Variants in AMZ1 observed in about 807,000 individuals in gnomAD.
AMZ1 encodes the protein archaelysin family metallopeptidase 1, also known as archaemetzincin-1.
Under a neutral mutation model 29.9 loss-of-function variants are expected in AMZ1, and 39 were observed. That is an observed-to-expected ratio of 1.30 (90% CI 1.01 to 1.70). AMZ1 has a LOEUF of 1.70. Among genes scored for constraint, AMZ1 ranks in the 40% most tolerant of loss-of-function variants. The probability of loss-of-function intolerance (pLI) is 0.00; values close to 1 mark genes in which losing one functional copy is unlikely to be tolerated. For missense variants in AMZ1, 1,041 were observed against 680.6 expected (o/e 1.53, Z -5.89); for synonymous variants, 458 against 304.0 (o/e 1.51, Z -5.27).
chr7:2,735,705 T>C lies in AMZ1; in HGVS notation n.550+25889T>C, dbSNP rs536998780. On this transcript the variant is annotated intron_variant and non_coding_transcript_variant, in intron 4 of 4. Transcript: ENST00000489665. ...TCATCACAGCATTTGTATCACTACT[T>C]GGAATGCAGGAAAACTTATCTGTGA... Among the ~76,000 whole-genome samples the C allele has an allele frequency of 4.6e-5, 7 of 152,256 alleles. No homozygotes were observed. The East Asian group carries it at 1.4e-3, about 29-fold the overall frequency.
At chr7:2,763,083 G>A (rs1230401868), upstream of AMZ1, 2 of 1,249,918 alleles carry the variant, frequency 1.6e-6, no homozygotes, top group Non-Finnish European at 2.0e-6. Context: ...TACCAGCCTT[G>A]AGTGAGAGAC....
intron 4 of AMZ1, among the ~76,000 whole-genome samples, chr7:2,741,721 A>G: frequency 6.6e-6 from 1 of 151,966 alleles, no homozygotes; most frequent in Non-Finnish European, 1.5e-5. Context: ...ATCCGTCATC[A>G]TTTGAGAGCA....
At chr7:2,707,743 C>G (rs73047330) in intron 3 of AMZ1, among the ~76,000 whole-genome samples, 1 of 151,716 alleles carries the variant, frequency 6.6e-6, no homozygotes, top group East Asian at 1.9e-4. Context: ...GCTAATGGTC[C>G]TTCCTCCGAG....
chr7:2,681,585 G>T (rs1786885687), intron 1 of AMZ1, among the ~76,000 whole-genome samples: 1 of 152,150 alleles, frequency 6.6e-6, no homozygotes, highest in Non-Finnish European at 1.5e-5. Context: ...CTTGTTGTTG[G>T]GGTCCAACTG....
intron 1 of AMZ1, among the ~76,000 whole-genome samples, chr7:2,682,994 G>A (rs990273277): frequency 1.3e-5 from 2 of 152,230 alleles, no homozygotes; most frequent in African/African-American, 4.8e-5. Flanking sequence ...ACCCTCGCCT[G>A]CTGGCCTTGG....
intron 1 of AMZ1, among the ~76,000 whole-genome samples, chr7:2,679,843 G>A (rs971398963): frequency 2.6e-5 from 4 of 152,224 alleles, no homozygotes; most frequent in Non-Finnish European, 5.9e-5. Flanking sequence ...TCTGGAGCCC[G>A]GGAGAGGTGG....
chr7:2,764,695 T>A (rs1791731242), exon 1 of AMZ1: 2 of 152,182 alleles, frequency 1.3e-5, no homozygotes, highest in South Asian at 4.1e-4. Context: ...TTTGCTTTAT[T>A]TCTCTGTAAA....
At chr7:2,686,687 G>A (rs995309300), upstream of AMZ1, among the ~76,000 whole-genome samples, 63 of 151,782 alleles carry the variant, frequency 4.2e-4, no homozygotes, top group African/African-American at 1.9e-4. Context: ...TTTGCACACC[G>A]GACACCTAGT....
At position 2,712,290 on chromosome 7, in the gene AMZ1, C is replaced by T. The variant is rs1176562346; in HGVS notation, c.949-40C>T. 6 of 1,515,502 alleles carry T rather than the reference C, an allele frequency of 4.0e-6. No individual in the cohort carries two copies. In the South Asian group the frequency reaches 5.3e-5, roughly 13 times the overall value. 93.9% of individuals were successfully genotyped at this position (1,515,502 alleles called of 1,614,324 possible). On this transcript the variant is annotated intron_variant, in intron 6 of 6. Coordinates refer to ENST00000683327, the MANE Select transcript of AMZ1 (RefSeq NM_001384743.1). ...TGGCAGTTCCCTGGCTAGACAAGGG[C>T]TGGCACGGAGCAAACTCAGCCTGTG...
At chr7:2,762,680 G>C (rs377455031), upstream of AMZ1, 51 of 1,589,964 alleles carry the variant, frequency 3.2e-5, no homozygotes, top group African/African-American at 6.3e-4. Flanking sequence ...CATTTGGAAA[G>C]AAACCACGCT....
chr7:2,692,546 A>C (rs573658264), intron 1 of AMZ1, among the ~76,000 whole-genome samples: 2 of 152,110 alleles, frequency 1.3e-5, no homozygotes, highest in Non-Finnish European at 2.9e-5. Context: ...CATCTCAAAA[A>C]ATAAAAAATA....
chr7:2,709,630 T>C lies in AMZ1; in HGVS notation c.772-10T>C, dbSNP rs767427886. ...CAGTGAGGCAAGGTGCTTGGTGGCC[T>C]TCCCCCCAGGTCACGTGCCACGAGC... is the stretch of plus-strand genomic sequence containing the variant. On this transcript the variant is annotated splice_polypyrimidine_tract_variant and intron_variant, in intron 5 of 6. Transcript: ENST00000683327. 4 of 1,605,554 alleles carry C rather than the reference T, an allele frequency of 2.5e-6. No homozygotes were observed. Among genetic ancestry groups the C allele is most frequent in the Non-Finnish European group, 3.4e-6 (4 of 1,176,624 alleles).
chr7:2,696,656 G>A (rs1019386083), intron 1 of AMZ1, among the ~76,000 whole-genome samples: 2 of 151,774 alleles, frequency 1.3e-5, no homozygotes, highest in South Asian at 2.1e-4. Context: ...AGGCTGAGGT[G>A]GGCAGATCAC....
chr7:2,689,591 C>T (rs1404752483), intron 1 of AMZ1, among the ~76,000 whole-genome samples: 1 of 152,188 alleles, frequency 6.6e-6, no homozygotes, highest in Non-Finnish European at 1.5e-5. Context: ...GAAACCAGGC[C>T]CCGCTGGCCC....
At chr7:2,735,631 C>G (rs539563823) in intron 4 of AMZ1, among the ~76,000 whole-genome samples, 2 of 152,360 alleles carry the variant, frequency 1.3e-5, no homozygotes, top group Non-Finnish European at 2.9e-5. Context: ...ACAGCAAACA[C>G]TCACTGCTGC....
At chr7:2,735,553 C>T (rs1358923995) in intron 4 of AMZ1, among the ~76,000 whole-genome samples, 5 of 152,168 alleles carry the variant, frequency 3.3e-5, no homozygotes, top group African/African-American at 7.2e-5. Context: ...ACAGGAGGGA[C>T]GTTTCCCTCG....
At position 2,734,780 on chromosome 7, in the gene AMZ1, C is replaced by T. The variant is rs549972519; in HGVS notation, n.550+24964C>T. 3.3e-5 allele frequency among the ~76,000 whole-genome samples: 5 copies of T among 152,328 alleles called. No individual in the cohort carries two copies. In the South Asian group the frequency reaches 8.3e-4, roughly 25 times the overall value. ...CCATCCCAGCACTGCCTGTGTTGAG[C>T]GAGCACACATCCTCCTCCTCTGTGG... On this transcript the variant is annotated intron_variant and non_coding_transcript_variant, in intron 4 of 4. Transcript: ENST00000489665.
Position 2,682,401 on chromosome 7 carries a change from C to T in AMZ1, c.-219+2730C>T, listed in dbSNP as rs987417350. Among the ~76,000 whole-genome samples, 10 of 152,330 alleles carry T rather than the reference C, an allele frequency of 6.6e-5. No homozygotes were observed. In the South Asian group the frequency reaches 1.9e-3, roughly 28 times the overall value. On this transcript the variant is annotated intron_variant, in intron 1 of 6. Coordinates refer to the AMZ1 transcript ENST00000312371. ...TGAAGAATGGCTGCCCAGGAGGCCTCAGGCCGATGCGAGGGTCCTTAGCTT... is the reference window on the plus strand; with the variant it reads ...TGAAGAATGGCTGCCCAGGAGGCCTTAGGCCGATGCGAGGGTCCTTAGCTT...
upstream of AMZ1, chr7:2,762,942 G>C: frequency 1.4e-6 from 2 of 1,380,166 alleles, no homozygotes; most frequent in Non-Finnish European, 1.9e-6. Flanking sequence ...AGACACTCCC[G>C]TGGGGCCCGT....
Sources: gnomAD v4.1 joint callset for allele counts (sites outside exome capture counted in the v4.1 genomes callset) on GRCh38, gnomAD v4.1.1 for gene constraint, MANE v1.5 for transcripts, NCBI Gene and HGNC (gene_info 2026-07-23, HGNC 2026-07-21) for gene names.